Variants in GNB4 observed in about 807,000 individuals in gnomAD.
The protein encoded by GNB4 is guanine nucleotide-binding protein subunit beta-4.
GNB4 carries 28 observed loss-of-function variants against 45.2 expected under a neutral mutation model. The ratio of observed to expected loss-of-function variants is 0.62; its 90% CI spans 0.46 to 0.85. GNB4 has a LOEUF of 0.85. GNB4 is among the 40% of genes least tolerant of loss of function. The pLI is 0.00. For synonymous variants in GNB4, 132 were observed against 143.7 expected (o/e 0.92, Z 0.58); for missense variants, 321 against 425.4 (o/e 0.75, Z 2.16).
chr3:179,430,237 T>G (rs1291933999), intron 1 of GNB4, among the ~76,000 whole-genome samples: 1 of 151,964 alleles, frequency 6.6e-6, no homozygotes, highest in Non-Finnish European at 1.5e-5. Flanking sequence ...AGGTGGGCAC[T>G]ACCACGTCAA....
Position 179,416,404 on chromosome 3 carries a change from T to C in GNB4, c.267+89A>G, listed in dbSNP as rs1351684250. ...CAATAAATTTATCTCAGAAAGCAATTTAAGTTTGAGGTAAAAGAATAAAGG... is the reference window on the plus strand; with the variant it reads ...CAATAAATTTATCTCAGAAAGCAATCTAAGTTTGAGGTAAAAGAATAAAGG... On this transcript the variant is annotated intron_variant, in intron 5 of 9. Transcript: ENST00000232564. The C allele has an allele frequency of 9.7e-6, 7 of 722,622 alleles. No homozygotes were observed. The Admixed American group carries it at 1.5e-4, about 15-fold the overall frequency. 44.8% of individuals were successfully genotyped at this position (722,622 alleles called of 1,614,324 possible). A position where few individuals can be genotyped will look rare whatever the true frequency, so the allele number is the denominator to read the frequency against.
intron 1 of GNB4, among the ~76,000 whole-genome samples, chr3:179,444,750 C>A (rs566055971): frequency 6.6e-6 from 1 of 152,214 alleles, no homozygotes; most frequent in South Asian, 2.1e-4. Flanking sequence ...ATTTAATTTG[C>A]AGAATTCTAG....
the GNB4 span, among the ~76,000 whole-genome samples, chr3:179,518,609 G>A: frequency 7.2e-3 from 1,092 of 152,106 alleles, 14 homozygotes; most frequent in African/African-American, 0.025. Flanking sequence ...CTTCACACTC[G>A]GTCCGGCTAA....
chr3:179,488,088 C>T, the GNB4 span, among the ~76,000 whole-genome samples: 1 of 151,600 alleles, frequency 6.6e-6, no homozygotes, highest in Non-Finnish European at 1.5e-5. Flanking sequence ...CATCCACTGA[C>T]AGACACTGAA....
the GNB4 span, among the ~76,000 whole-genome samples, chr3:179,497,599 G>A: frequency 6.6e-6 from 1 of 152,134 alleles, no homozygotes; most frequent in East Asian, 1.9e-4. Context: ...TGCAAACCAT[G>A]TATCTAATAG....
At position 179,433,711 on chromosome 3, in the gene GNB4, A is replaced by G. The variant is rs114669659; in HGVS notation, c.-42-7469T>C. Among the ~76,000 whole-genome samples, 524 of 152,266 alleles carry G rather than the reference A, an allele frequency of 3.4e-3. 1 individual carries two copies. Among genetic ancestry groups the G allele is most frequent in the African/African-American group, 0.012 (492 of 41,546 alleles). The stretch of plus-strand genomic sequence containing the variant: ...CTCAAAAGAACAAAACACCAAAAAA[A>G]AAAACAAGTCACAGACTGAGAAAAG... On this transcript the variant is annotated intron_variant, in intron 1 of 9. Transcript: ENST00000232564.
chr3:179,453,761 A>G (rs1482230711), upstream of GNB4, among the ~76,000 whole-genome samples: 4 of 152,186 alleles, frequency 2.6e-5, no homozygotes, highest in African/African-American at 9.6e-5. Flanking sequence ...CCAAGTACAG[A>G]AAAAGGAAAG....
chr3:179,496,657 T>C, the GNB4 span, among the ~76,000 whole-genome samples: 4 of 152,034 alleles, frequency 2.6e-5, no homozygotes, highest in South Asian at 8.3e-4. Context: ...AGATATTTCA[T>C]GAAAGCAGAA....
rs1714132587 is a variant in GNB4, at chr3:179,396,778, G to C, written c.*4435C>G. 1 of 152,120 alleles carries C rather than the reference G, an allele frequency of 6.6e-6. No individual in the cohort carries two copies. Among genetic ancestry groups the C allele is most frequent in the African/African-American group, 2.4e-5 (1 of 41,410 alleles). The allele number at this position is 152,120 out of a possible 1,614,324, so 9.4% of individuals were successfully genotyped here. A position where few individuals can be genotyped will look rare whatever the true frequency, so the allele number is the denominator to read the frequency against. ...AGTTACTTTTTAAAATAAAGTGCTA[G>C]CTTAGATATTCTACTATAAACCATT... On this transcript the variant is annotated 3_prime_UTR_variant, in exon 10 of 10. Transcript: ENST00000232564.
At chr3:179,427,459 G>C (rs1715179567) in intron 1 of GNB4, among the ~76,000 whole-genome samples, 1 of 151,958 alleles carries the variant, frequency 6.6e-6, no homozygotes. Flanking sequence ...ACAAAAATTA[G>C]CTGGGTGTGG....
the GNB4 span, among the ~76,000 whole-genome samples, chr3:179,481,363 G>A: frequency 1.3e-5 from 2 of 152,146 alleles, no homozygotes; most frequent in East Asian, 1.9e-4. Flanking sequence ...AGGCTAGAGT[G>A]CAGCATTGTG....
At chr3:179,468,498 G>GA in the GNB4 span, among the ~76,000 whole-genome samples, 145 of 143,800 alleles carry the variant, frequency 1.0e-3, no homozygotes, top group Admixed American at 1.5e-3. Flanking sequence ...TCTGTCTCAA[G>GA]AAAAAAAAAA....
rs551833245 is a variant in GNB4, at chr3:179,418,697, G to A, written c.203+702C>T. Among the ~76,000 whole-genome samples the A allele has an allele frequency of 1.3e-3, 191 of 152,290 alleles. 1 individual carries two copies. The highest frequency in any genetic ancestry group is 4.4e-3 in the African/African-American group (182 of 41,568). On this transcript the variant is annotated intron_variant, in intron 4 of 9. Transcript: ENST00000232564. Reference sequence around the variant, plus strand: ...GTGCAACTTCTATTAAAACATAGAAGTTTCTTGGTTTAGGCATTTCCCATT... The same window carrying A: ...GTGCAACTTCTATTAAAACATAGAAATTTCTTGGTTTAGGCATTTCCCATT...
At chr3:179,525,289 G>T in the GNB4 span, among the ~76,000 whole-genome samples, 1 of 152,098 alleles carries the variant, frequency 6.6e-6, no homozygotes, top group Non-Finnish European at 1.5e-5. Flanking sequence ...TTTGTATTGG[G>T]GCCCAAGCGG....
intron 9 of GNB4, among the ~76,000 whole-genome samples, chr3:179,403,279 A>C (rs1714359262): frequency 6.6e-6 from 1 of 151,856 alleles, no homozygotes. Flanking sequence ...TCTAAAAATA[A>C]AGACAGGAAA....
At chr3:179,454,339 C>T (rs1715946320), upstream of GNB4, among the ~76,000 whole-genome samples, 1 of 152,156 alleles carries the variant, frequency 6.6e-6, no homozygotes, top group African/African-American at 2.4e-5. Context: ...GCTAGGTACT[C>T]CACGAACAAA....
chr3:179,426,274 C>G, intron 1 of GNB4, 32 bp from the exon 2 acceptor site: 1 of 1,086,456 alleles, frequency 9.2e-7, no homozygotes, highest in Non-Finnish European at 1.4e-6. Context: ...GAGAAAGATT[C>G]AGTTCTCTAC....
At chr3:179,441,332 T>C (rs1298439342) in intron 1 of GNB4, among the ~76,000 whole-genome samples, 2 of 152,200 alleles carry the variant, frequency 1.3e-5, no homozygotes, top group African/African-American at 2.4e-5. Flanking sequence ...ATATAGCCTA[T>C]TGCTCCTGGG....
chr3:179,460,462 CAAT>C, the GNB4 span, among the ~76,000 whole-genome samples: 34 of 152,174 alleles, frequency 2.2e-4, 2 homozygotes, highest in South Asian at 2.1e-3. Context: ...TCTTTAGTGA[CAAT>C]GAGTCAGATA....
Sources: gnomAD v4.1 joint callset for allele counts (sites outside exome capture counted in the v4.1 genomes callset) on GRCh38, gnomAD v4.1.1 for gene constraint, MANE v1.5 for transcripts, NCBI Gene and HGNC (gene_info 2026-07-23, HGNC 2026-07-21) for gene names.